The following PEAK3 variants were observed in gnomAD, a reference collection of about 807,000 sequenced individuals.
PEAK3 encodes protein PEAK3.
PEAK3 carries 15 observed loss-of-function variants against 13.3 expected under a neutral mutation model. That is an observed-to-expected ratio of 1.13 (90% CI 0.75 to 1.73). PEAK3 has a LOEUF of 1.73. PEAK3 is among the 40% of genes most tolerant of loss of function. PEAK3 has a pLI of 0.00. For synonymous variants in PEAK3, 347 were observed against 341.9 expected, an observed-to-expected ratio of 1.01 and a Z score of -0.17; for missense variants, 739 against 690.2, an observed-to-expected ratio of 1.07 and a Z score of -0.79.
Position 2,278,990 on chromosome 19 carries a change from G to T in PEAK3, c.206C>A (p.Ser69Ter). 1 of 1,589,246 alleles carries T rather than the reference G, an allele frequency of 6.3e-7. No homozygotes were observed. The highest frequency in any genetic ancestry group is 8.6e-7 in the Non-Finnish European group (1 of 1,163,092). The change falls in exon 3 of 4, where the codon TCA (serine) becomes TAA (stop). Residue 69 changes from serine to a stop codon, truncating the protein, a stop_gained. Transcript: ENST00000342063. LOFTEE classifies it high-confidence loss of function. ...ATGGAGGGTCCTGCGGGTGGGCAGT[G>T]ACTGGGTCCGGGTTAGGATCTTCTT... ...LPKKILTRTQ[S>*]LPTRRTLHPS...
chr19:2,276,140 G>T lies in PEAK3; in HGVS notation c.962C>A (p.Thr321Lys). Residue 321 changes from threonine to lysine, a missense_variant, in exon 4 of 4, where the codon ACG becomes AAG. By Grantham distance (78) the Thr-to-Lys change is moderately conservative. Transcript: ENST00000342063. Reference protein sequence around the residue: ...LLVAPRGCATTGPPRLLLTDF... With the variant: ...LLVAPRGCATKGPPRLLLTDF... ...AGTGAGGAGCAGGCGTGGGGGCCCC[G>T]TCGTCGCACAGCCCCGAGGTGCCAC... 29 of 1,542,074 alleles carry T rather than the reference G, an allele frequency of 1.9e-5. No homozygotes were observed. Among genetic ancestry groups the T allele is most frequent in the Non-Finnish European group, 2.5e-5 (29 of 1,144,658 alleles).
intron 2 of PEAK3, 147 bp downstream of exon 2, chr19:2,280,703 G>A (rs989474413): frequency 6.1e-6 from 4 of 653,086 alleles, no homozygotes; most frequent in African/African-American, 5.7e-5. Context: ...CTTCCCGGAG[G>A]TCACTCATTT....
At position 2,275,876 on chromosome 19, in the gene PEAK3, C is replaced by T. The variant is rs953046182; in HGVS notation, c.1226G>A (p.Arg409His). The change falls in exon 4 of 4, where the codon CGC becomes CAC. Residue 409 changes from arginine (R) to histidine (H), a missense_variant. Transcript: ENST00000342063. Reference sequence around the variant, plus strand: ...GAGCCAGGGACCAAGCGGTGCTCCGCGGCCGCGCAGCTCAGGCCCGGGCCC... The same window carrying T: ...GAGCCAGGGACCAAGCGGTGCTCCGTGGCCGCGCAGCTCAGGCCCGGGCCC... The part of the protein sequence containing the change: ...LWGPGPELRG[R>H]GAPLGPWLRA... 2 of 1,439,502 alleles carry T rather than the reference C, an allele frequency of 1.4e-6. No individual in the cohort carries two copies. The highest frequency in any genetic ancestry group is 1.8e-6 in the Non-Finnish European group (2 of 1,103,722). The allele number at this position is 1,439,502 out of a possible 1,614,324, so 89.2% of individuals were successfully genotyped here. A position where few individuals can be genotyped will look rare whatever the true frequency, so the allele number is the denominator to read the frequency against.
chr19:2,279,018 G>A lies in PEAK3; in HGVS notation c.178C>T (p.Pro60Ser). The change falls in exon 3 of 4, where the codon CCC becomes TCC. Residue 60 changes from proline (P) to serine (S), a missense_variant. Pro to Ser is a moderately conservative substitution (Grantham distance 74). Coordinates refer to ENST00000342063, the MANE Select transcript of PEAK3 (RefSeq NM_198532.3). ...TNPEPLPPPLPKKILTRTQSL... is the reference protein window; with the variant it reads ...TNPEPLPPPLSKKILTRTQSL... ...TGGGTCCGGGTTAGGATCTTCTTGG[G>A]CAGGGGTGGGGGCAGGGGCTCTGGG... 6.5e-7 allele frequency: 1 copy of A among 1,549,478 alleles called. No homozygotes were observed. The highest frequency in any genetic ancestry group is 8.8e-7 in the Non-Finnish European group (1 of 1,141,528).
At chr19:2,279,185 A>C in intron 2 of PEAK3, 72 bp from the exon 3 acceptor site, 2 of 1,266,242 alleles carry the variant, frequency 1.6e-6, no homozygotes, top group Non-Finnish European at 2.0e-6. Flanking sequence ...TCCACCTCTC[A>C]GCCTCGGTTT....
Position 2,275,761 on chromosome 19 carries a change from G to C in PEAK3, c.1341C>G (p.Leu447=). 1.3e-6 allele frequency: 2 copies of C among 1,583,268 alleles called. No homozygotes were observed. Among genetic ancestry groups the C allele is most frequent in the Non-Finnish European group, 1.7e-6 (2 of 1,168,136 alleles). ...ERAAGGEAPS[L]EDWLCCEYLA... ...GGTATTCGCAACACAGCCAGTCCTC[G>C]AGGCTGGGAGCTTCCCCACCTGCGG... is the stretch of plus-strand genomic sequence containing the variant. The change falls in exon 4 of 4, where the codon CTC becomes CTG. Residue 447 remains leucine, a synonymous_variant. Coordinates refer to ENST00000342063, the MANE Select transcript of PEAK3 (RefSeq NM_198532.3).
intron 3 of PEAK3, among the ~76,000 whole-genome samples, chr19:2,276,918 G>A (rs1453266115): frequency 6.6e-6 from 1 of 152,062 alleles, no homozygotes; most frequent in Non-Finnish European, 1.5e-5. Context: ...AGGCTGAGGT[G>A]AGAGAATCGC....
intron 2 of PEAK3, 87 bp from the exon 3 acceptor site, chr19:2,279,200 A>G: frequency 8.7e-7 from 1 of 1,148,092 alleles, no homozygotes; most frequent in Non-Finnish European, 1.1e-6. Flanking sequence ...CGGTTTCCCC[A>G]TCTCTAACAT....
At position 2,276,324 on chromosome 19, in the gene PEAK3, G is replaced by T; in HGVS notation, c.778C>A (p.Arg260Ser). The T allele has an allele frequency of 6.3e-7, 1 of 1,598,666 alleles. No individual in the cohort carries two copies. The highest frequency in any genetic ancestry group is 1.1e-5 in the South Asian group (1 of 90,758). The change falls in exon 4 of 4, where the codon CGC (arginine) becomes AGC (serine). Residue 260 changes from arginine to serine, a missense_variant. Physicochemically the swap from Arg to Ser is moderately radical, Grantham distance 110. Coordinates refer to ENST00000342063, the MANE Select transcript of PEAK3 (RefSeq NM_198532.3). ...AVALAAEVPE[R>S]TVAQWLAEAC... is the part of the protein sequence containing the mutation. ...TCCGCCAGCCACTGCGCCACCGTGC[G>T]CTCTGGAACCTCGGCTGCCAGCGCC...
At chr19:2,277,865 G>C (rs2025404539) in intron 3 of PEAK3, among the ~76,000 whole-genome samples, 1 of 133,492 alleles carries the variant, frequency 7.5e-6, no homozygotes, top group Admixed American at 7.8e-5. Flanking sequence ...GTGCTGCCCA[G>C]CCTTTTTTTT....
chr19:2,277,497 C>A (rs558599958), intron 3 of PEAK3, among the ~76,000 whole-genome samples: 2 of 152,126 alleles, frequency 1.3e-5, no homozygotes, highest in African/African-American at 4.8e-5. Flanking sequence ...AATTAAGGCC[C>A]TTTTCTCTAT....
chr19:2,281,056 T>C (rs2025434911), intron 1 of PEAK3, 121 bp from the exon 2 acceptor site: 1 of 612,030 alleles, frequency 1.6e-6, no homozygotes. Flanking sequence ...TCCAGGGCCC[T>C]TGGTGAGAAC....
In PEAK3 at chr19:2,276,155, C is replaced by T. The variant is rs1351281968; in HGVS notation, c.947G>A (p.Arg316Gln). ...TGGGGGCCCCGTCGTCGCACAGCCC[C>T]GAGGTGCCACCAGCAGCAAGTTCTC... ...RPENLLLVAP[R>Q]GCATTGPPRL... The change falls in exon 4 of 4, where the codon CGG (arginine) becomes CAG (glutamine). Residue 316 changes from arginine (R) to glutamine (Q), a missense_variant. By Grantham distance (43) the Arg-to-Gln change is conservative (BLOSUM62 1). Coordinates refer to ENST00000342063, the MANE Select transcript of PEAK3 (RefSeq NM_198532.3). The T allele has an allele frequency of 6.5e-7, 1 of 1,545,678 alleles. No homozygotes were observed. The highest frequency in any genetic ancestry group is 2.4e-5 in the East Asian group (1 of 40,886).
intron 2 of PEAK3, among the ~76,000 whole-genome samples, chr19:2,279,765 T>C (rs2025423666): frequency 6.6e-6 from 1 of 151,738 alleles, no homozygotes; most frequent in African/African-American, 2.4e-5. Context: ...TTGCTTTTTT[T>C]CTTTTTTGAA....
At chr19:2,276,605 C>T (rs868215641) in intron 3 of PEAK3, 116 bp from the exon 4 acceptor site, 6 of 823,522 alleles carry the variant, frequency 7.3e-6, no homozygotes, top group South Asian at 3.9e-5. Context: ...GCCCCCACTA[C>T]GGCTAGGGGC....
Position 2,275,450 on chromosome 19 carries a change from G to T in PEAK3, c.*230C>A. 1 of 379,842 alleles carries T rather than the reference G, an allele frequency of 2.6e-6. No homozygotes were observed. The highest frequency in any genetic ancestry group is 3.9e-5 in the East Asian group (1 of 25,832). 23.5% of individuals were successfully genotyped at this position (379,842 alleles called of 1,614,324 possible). On this transcript the variant is annotated 3_prime_UTR_variant, in exon 4 of 4. Transcript: ENST00000342063. ...CTTCAGAGAGCTGCTGCCCAACACA[G>T]GAGGCGCTGGCCAGCCCCCAGCCCT...
chr19:2,278,546 T>G (rs2025411718), intron 3 of PEAK3, 38 bp downstream of exon 3: 2 of 1,427,354 alleles, frequency 1.4e-6, no homozygotes, highest in Non-Finnish European at 1.8e-6. Flanking sequence ...GATGGGGCAC[T>G]GGGGACACCT....
intron 2 of PEAK3, among the ~76,000 whole-genome samples, chr19:2,280,374 T>C (rs1156405441): frequency 1.3e-5 from 2 of 151,280 alleles, no homozygotes; most frequent in Non-Finnish European, 2.9e-5. Context: ...GTGCCCAGCC[T>C]CTCTCTCTTT....
In PEAK3 at chr19:2,280,326, G is replaced by A. The variant is rs1391063392; in HGVS notation, c.82+524C>T. Among the ~76,000 whole-genome samples the A allele has an allele frequency of 5.9e-5, 9 of 151,928 alleles. No homozygotes were observed. The East Asian group carries it at 1.2e-3, about 20-fold the overall frequency. ...ATCCTCCTCCTTGGCCTCCCAAAGT[G>A]CTGGGATTAAAGGGTGGGATTACAG... On this transcript the variant is annotated intron_variant, in intron 2 of 3. Transcript: ENST00000342063.
Sources: allele counts gnomAD v4.1 joint callset (sites outside exome capture counted in the v4.1 genomes callset), GRCh38; gene constraint gnomAD v4.1.1; transcripts MANE v1.5; gene names NCBI Gene and HGNC (gene_info 2026-07-23, HGNC 2026-07-21).